Variants in GALNTL6 observed in about 807,000 individuals in gnomAD.
The protein encoded by GALNTL6 is polypeptide N-acetylgalactosaminyltransferase like 6, also known as polypeptide N-acetylgalactosaminyltransferase-like 6.
A neutral mutation model predicts 73.7 loss-of-function variants in GALNTL6; 46 were observed. The ratio of observed to expected loss-of-function variants is 0.62; its 90% CI spans 0.49 to 0.80. The LOEUF (loss-of-function observed/expected upper bound fraction) is 0.80. Ranked by LOEUF, GALNTL6 falls within the 30% of genes least tolerant of loss-of-function variation. The pLI is 0.00. For synonymous variants in GALNTL6, 259 were observed against 263.7 expected (o/e 0.98, Z 0.17); for missense variants, 604 against 755.0 (o/e 0.80, Z 2.34).
intron 5 of GALNTL6, among the ~76,000 whole-genome samples, chr4:172,496,501 G>T (rs937997314): frequency 6.6e-6 from 1 of 151,952 alleles, no homozygotes; most frequent in Non-Finnish European, 1.5e-5. Context: ...ACAAACCTGG[G>T]CAACATAGTG....
chr4:172,236,078 G>A (rs988624966), intron 3 of GALNTL6, among the ~76,000 whole-genome samples: 2 of 151,972 alleles, frequency 1.3e-5, no homozygotes, highest in Non-Finnish European at 2.9e-5. Context: ...TGTAGAATAA[G>A]CATTTTGGAA....
intron 2 of GALNTL6, among the ~76,000 whole-genome samples, chr4:172,179,114 A>C (rs941944394): frequency 6.8e-6 from 1 of 146,824 alleles, no homozygotes; most frequent in Non-Finnish European, 1.5e-5. Flanking sequence ...TGCAATAAAC[A>C]TACGTGTGCA....
intron 7 of GALNTL6, among the ~76,000 whole-genome samples, chr4:172,871,609 A>AGT (rs1293425662): frequency 8.0e-5 from 8 of 100,482 alleles, no homozygotes; most frequent in Admixed American, 5.8e-4. Context: ...TGTGTGTGTG[A>AGT]GAGTGTGTGT....
At chr4:172,977,340 A>G (rs1750862129) in intron 10 of GALNTL6, among the ~76,000 whole-genome samples, 1 of 152,176 alleles carries the variant, frequency 6.6e-6, no homozygotes, top group East Asian at 1.9e-4. Context: ...GGCACTGCCA[A>G]AATTTACTTC....
At chr4:172,379,963 TA>T in intron 5 of GALNTL6, 1 of 758,894 alleles carries the variant, frequency 1.3e-6, no homozygotes, top group Non-Finnish European at 2.3e-6. Context: ...CCATTAAATG[TA>T]AACCAAAAGA....
intron 5 of GALNTL6, among the ~76,000 whole-genome samples, chr4:172,446,784 T>C (rs1343710868): frequency 1.3e-5 from 2 of 152,150 alleles, no homozygotes; most frequent in African/African-American, 4.8e-5. Flanking sequence ...TCATGTCCCC[T>C]TGAGAGAAGG....
At chr4:172,976,636 AAAG>A (rs1401150732) in intron 10 of GALNTL6, among the ~76,000 whole-genome samples, 1 of 152,242 alleles carries the variant, frequency 6.6e-6, no homozygotes, top group African/African-American at 2.4e-5. Context: ...TTTAAAATAG[AAAG>A]AATACTTCAG....
chr4:172,891,591 G>A (rs911124036), intron 8 of GALNTL6, among the ~76,000 whole-genome samples: 5 of 152,068 alleles, frequency 3.3e-5, no homozygotes, highest in African/African-American at 1.2e-4. Flanking sequence ...CATTGACCTT[G>A]TAAAGTCTGA....
At chr4:172,459,383 G>A (rs906084679) in intron 5 of GALNTL6, among the ~76,000 whole-genome samples, 5 of 152,146 alleles carry the variant, frequency 3.3e-5, no homozygotes, top group Admixed American at 2.6e-4. Flanking sequence ...ACAAGAGAAA[G>A]AAATAAAGCG....
intron 2 of GALNTL6, among the ~76,000 whole-genome samples, chr4:171,984,656 T>C (rs1306146830): frequency 6.6e-6 from 1 of 152,060 alleles, no homozygotes; most frequent in East Asian, 1.9e-4. Flanking sequence ...AGTAAAAGGC[T>C]ATAATTGTGT....
intron 2 of GALNTL6, among the ~76,000 whole-genome samples, chr4:171,846,924 GTAATTA>G: frequency 7.0e-6 from 1 of 142,478 alleles, no homozygotes; most frequent in Non-Finnish European, 1.5e-5. Flanking sequence ...ATAATTATAT[GTAATTA>G]TATATACATA....
chr4:172,614,653 G>A (rs1738655348), intron 5 of GALNTL6, among the ~76,000 whole-genome samples: 1 of 152,134 alleles, frequency 6.6e-6, no homozygotes, highest in Non-Finnish European at 1.5e-5. Flanking sequence ...AAGAAATGCA[G>A]AGGCATTTTT....
At chr4:172,190,954 A>AT (rs1302441401) in intron 2 of GALNTL6, among the ~76,000 whole-genome samples, 1 of 152,034 alleles carries the variant, frequency 6.6e-6, no homozygotes, top group Non-Finnish European at 1.5e-5. Context: ...CTTCCTCGTG[A>AT]TTTTTTCCTA....
At chr4:172,204,241 T>G (rs1736039462) in intron 2 of GALNTL6, among the ~76,000 whole-genome samples, 1 of 152,172 alleles carries the variant, frequency 6.6e-6, no homozygotes, top group South Asian at 2.1e-4. Flanking sequence ...CAAAATACAT[T>G]TATATATGAT....
chr4:172,479,194 T>C (rs985875806), intron 5 of GALNTL6, among the ~76,000 whole-genome samples: 1 of 152,132 alleles, frequency 6.6e-6, no homozygotes, highest in Admixed American at 6.6e-5. Context: ...ATTCACTGTA[T>C]TAAAAAAAGA....
At chr4:171,826,179 C>A (rs1734819740) in intron 2 of GALNTL6, among the ~76,000 whole-genome samples, 1 of 152,118 alleles carries the variant, frequency 6.6e-6, no homozygotes, top group South Asian at 2.1e-4. Context: ...TCAAATCTCC[C>A]GTGCCACCAC....
In GALNTL6 at chr4:171,997,762, A is replaced by G. The variant is rs536104296; in HGVS notation, c.138+183044A>G. On this transcript the variant is annotated intron_variant, in intron 2 of 12. Coordinates refer to ENST00000506823, the MANE Select transcript of GALNTL6 (RefSeq NM_001034845.3). ...AACATAAAAGACTAGGGAGAGGGGT[A>G]GTTGTTGGGAGTGGGGAACATGAAA... 2.0e-5 allele frequency among the ~76,000 whole-genome samples: 3 copies of G among 152,218 alleles called. No homozygotes were observed. The South Asian group carries it at 6.2e-4, about 32-fold the overall frequency.
At chr4:172,557,835 G>T (rs537039230) in intron 5 of GALNTL6, among the ~76,000 whole-genome samples, 2 of 150,774 alleles carry the variant, frequency 1.3e-5, no homozygotes, top group African/African-American at 5.0e-5. Context: ...AGAAATCTAG[G>T]TGTTTTTTTT....
chr4:172,021,620 C>T (rs1459334009), intron 2 of GALNTL6, among the ~76,000 whole-genome samples: 2 of 151,894 alleles, frequency 1.3e-5, no homozygotes, highest in Non-Finnish European at 2.9e-5. Flanking sequence ...ACCATAAAGA[C>T]TCAGAATAGC....
Sources: gnomAD v4.1 joint callset for allele counts (sites outside exome capture counted in the v4.1 genomes callset) on GRCh38, gnomAD v4.1.1 for gene constraint, MANE v1.5 for transcripts, NCBI Gene and HGNC (gene_info 2026-07-23, HGNC 2026-07-21) for gene names.